Variants in ARID5B observed in about 807,000 individuals in gnomAD.
ARID5B encodes AT-rich interaction domain 5B.
Under a neutral mutation model 97.2 loss-of-function variants are expected in ARID5B, and 13 were observed. That is an observed-to-expected ratio of 0.13 (90% CI 0.09 to 0.21). The LOEUF is 0.21. Ranked by LOEUF, ARID5B falls within the 10% of genes least tolerant of loss-of-function variation. The pLI is 1.00. For synonymous variants in ARID5B, 556 were observed against 570.3 expected (o/e 0.97, Z 0.36); for missense variants, 1,210 against 1,465.3 (o/e 0.83, Z 2.84).
intron 3 of ARID5B, among the ~76,000 whole-genome samples, chr10:61,960,650 CT>C (rs1241415875): frequency 6.6e-6 from 1 of 150,720 alleles, no homozygotes; most frequent in Non-Finnish European, 1.5e-5. Flanking sequence ...ATGAGAAGCC[CT>C]TTTTTTTCCC....
chr10:61,971,716 T>C (rs1838630251), intron 3 of ARID5B, among the ~76,000 whole-genome samples: 1 of 152,182 alleles, frequency 6.6e-6, no homozygotes, highest in Non-Finnish European at 1.5e-5. Context: ...CACTAATATA[T>C]TAAATTTTTA....
intron 8 of ARID5B, among the ~76,000 whole-genome samples, chr10:62,082,577 G>A (rs10995028): frequency 0.13 from 20,435 of 152,118 alleles, 1,517 homozygotes; most frequent in African/African-American, 0.18. Flanking sequence ...ACCTCAAGGC[G>A]CAGGCATGGT....
chr10:62,081,279 T>C (rs544110634), intron 8 of ARID5B, among the ~76,000 whole-genome samples: 1 of 152,358 alleles, frequency 6.6e-6, no homozygotes, highest in Non-Finnish European at 1.5e-5. Flanking sequence ...ACCCTAAAAG[T>C]TCACCACTTC....
Position 62,091,632 on chromosome 10 carries a change from T to C in ARID5B, c.2169T>C (p.Ile723=), listed in dbSNP as rs758191682. The C allele has an allele frequency of 5.0e-6, 8 of 1,614,096 alleles. No homozygotes were observed. Among genetic ancestry groups the C allele is most frequent in the Non-Finnish European group, 6.8e-6 (8 of 1,179,998 alleles). Residue 723 remains isoleucine, a synonymous_variant, in exon 10 of 10, where the codon ATT becomes ATC. Coordinates refer to ENST00000279873, the MANE Select transcript of ARID5B (RefSeq NM_032199.3). ...PPPLISKKKL[I]ARDDLCSSLS... ...CTTTGATCAGCAAAAAGAAACTGATTGCTAGGGATGACTTGTGTTCCAGTT... is the reference window on the plus strand; with the variant it reads ...CTTTGATCAGCAAAAAGAAACTGATCGCTAGGGATGACTTGTGTTCCAGTT...
At chr10:61,974,971 G>A (rs1440983193) in intron 3 of ARID5B, among the ~76,000 whole-genome samples, 2 of 149,272 alleles carry the variant, frequency 1.3e-5, no homozygotes, top group African/African-American at 2.6e-5. Context: ...TTCAGTTTTC[G>A]AAGGAATAAT....
Position 62,091,428 on chromosome 10 carries a change from C to T in ARID5B, c.1965C>T (p.Asp655=). 1 of 1,612,334 alleles carries T rather than the reference C, an allele frequency of 6.2e-7. No homozygotes were observed. Among genetic ancestry groups the T allele is most frequent in the South Asian group, 1.1e-5 (1 of 90,830 alleles). The change falls in exon 10 of 10, where the codon GAC becomes GAT. Residue 655 remains aspartate (D), a synonymous_variant. Transcript: ENST00000279873. ...AGGTCCTTGTGGTCCAGTCGTTTGA[C>T]ATGTTCAAAGACAAAGACCTGACTG... ...TPKVLVVQSF[D]MFKDKDLTGP...
At chr10:62,021,947 A>G (rs1409919591) in intron 4 of ARID5B, among the ~76,000 whole-genome samples, 1 of 152,190 alleles carries the variant, frequency 6.6e-6, no homozygotes, top group African/African-American at 2.4e-5. Context: ...TGATTTATCA[A>G]TTTTCTCCTT....
intron 5 of ARID5B, among the ~76,000 whole-genome samples, chr10:62,052,514 G>A (rs1051058571): frequency 4.8e-4 from 73 of 152,228 alleles, no homozygotes; most frequent in Admixed American, 3.5e-3. Flanking sequence ...ACCTGAGCCC[G>A]GCAGGATAAA....
chr10:62,072,573 AT>A (rs1840079358), intron 8 of ARID5B, among the ~76,000 whole-genome samples: 1 of 152,196 alleles, frequency 6.6e-6, no homozygotes, highest in South Asian at 2.1e-4. Flanking sequence ...AACACCAAAA[AT>A]TGGCAGTGTG....
intron 4 of ARID5B, among the ~76,000 whole-genome samples, chr10:62,008,720 C>T (rs895538677): frequency 9.2e-5 from 14 of 152,200 alleles, no homozygotes; most frequent in African/African-American, 3.4e-4. Context: ...GGTGGCTTCC[C>T]ATCTCATCAC....
chr10:61,936,288 CAAAT>C (rs1415022195), intron 2 of ARID5B, among the ~76,000 whole-genome samples: 1 of 152,156 alleles, frequency 6.6e-6, no homozygotes, highest in Non-Finnish European at 1.5e-5. Flanking sequence ...AAATACAAAA[CAAAT>C]AAGCAATGAA....
intron 3 of ARID5B, among the ~76,000 whole-genome samples, chr10:61,977,381 G>C (rs1240756505): frequency 6.6e-6 from 1 of 152,202 alleles, no homozygotes; most frequent in African/African-American, 2.4e-5. Context: ...CCAGTAATGG[G>C]ATGGCTGGGT....
In ARID5B at chr10:62,096,684, A is replaced by G. The variant is rs1190169787; in HGVS notation, c.*3654A>G. The G allele has an allele frequency of 8.6e-6, 2 of 233,412 alleles. No individual in the cohort carries two copies. Among genetic ancestry groups the G allele is most frequent in the African/African-American group, 4.4e-5 (2 of 45,326 alleles). The allele number at this position is 233,412 out of a possible 1,614,324, so 14.5% of individuals were successfully genotyped here. A position where few individuals can be genotyped will look rare whatever the true frequency, so the allele number is the denominator to read the frequency against. On this transcript the variant is annotated 3_prime_UTR_variant, in exon 10 of 10. Transcript: ENST00000279873. ...TATGCTCTGTAAGGTGATTATTTGT[A>G]TATAGCAACATGGCCCAGTGATATT...
chr10:61,944,915 G>T (rs537480613), intron 3 of ARID5B, among the ~76,000 whole-genome samples: 7 of 152,322 alleles, frequency 4.6e-5, no homozygotes, highest in Admixed American at 3.3e-4. Context: ...CAAAGATTAT[G>T]TGTGGGGGTC....
At chr10:62,032,912 G>A (rs915670956) in intron 4 of ARID5B, among the ~76,000 whole-genome samples, 1 of 151,968 alleles carries the variant, frequency 6.6e-6, no homozygotes, top group Non-Finnish European at 1.5e-5. Flanking sequence ...TGCCACCTAG[G>A]GGCTTGCTTA....
chr10:61,904,906 C>G (rs139646231), intron 2 of ARID5B, among the ~76,000 whole-genome samples: 1 of 152,232 alleles, frequency 6.6e-6, no homozygotes, highest in Admixed American at 6.5e-5. Flanking sequence ...CATTTCCCCC[C>G]TGGCCTAAGT....
chr10:61,974,931 G>A (rs1480620451), intron 3 of ARID5B, among the ~76,000 whole-genome samples: 2 of 149,334 alleles, frequency 1.3e-5, no homozygotes, highest in Non-Finnish European at 2.9e-5. Flanking sequence ...CTCGGGGGCA[G>A]ATATGTGCTC....
chr10:61,915,802 C>T (rs1843892539), intron 2 of ARID5B, among the ~76,000 whole-genome samples: 1 of 152,190 alleles, frequency 6.6e-6, no homozygotes, highest in Non-Finnish European at 1.5e-5. Flanking sequence ...GTCGCCCAGG[C>T]TAGAGTGCAA....
At chr10:62,085,968 C>G in intron 9 of ARID5B, 68 bp downstream of exon 9, 1 of 1,500,832 alleles carries the variant, frequency 6.7e-7, no homozygotes, top group Non-Finnish European at 9.0e-7. Flanking sequence ...TTCTGGAGCC[C>G]TGAATCCACA....
Sources: gnomAD v4.1 joint callset for allele counts (sites outside exome capture counted in the v4.1 genomes callset) on GRCh38, gnomAD v4.1.1 for gene constraint, MANE v1.5 for transcripts, NCBI Gene and HGNC (gene_info 2026-07-23, HGNC 2026-07-21) for gene names.